The following CNBD1 variants were observed in gnomAD, a reference collection of about 807,000 sequenced individuals.
The protein encoded by CNBD1 is cyclic nucleotide-binding domain-containing protein 1.
CNBD1 carries 71 observed loss-of-function variants against 54.4 expected under a neutral mutation model. That is an observed-to-expected ratio of 1.30 (90% CI 1.08 to 1.59). CNBD1 has a LOEUF of 1.59. Among genes scored for constraint, CNBD1 ranks in the 40% most tolerant of loss-of-function variants. The pLI is 0.00. For missense variants in CNBD1, 659 were observed against 518.0 expected, an observed-to-expected ratio of 1.27 and a Z score of -2.64; for synonymous variants, 182 against 170.7, an observed-to-expected ratio of 1.07 and a Z score of -0.51.
chr8:87,356,992 A>G (rs899742503), intron 10 of CNBD1, among the ~76,000 whole-genome samples: 5 of 152,302 alleles, frequency 3.3e-5, no homozygotes, highest in Middle Eastern at 3.4e-3. Flanking sequence ...ACAGCCCCAG[A>G]TACAGCATGG....
At chr8:87,230,306 G>A (rs970883372) in intron 5 of CNBD1, among the ~76,000 whole-genome samples, 4 of 152,112 alleles carry the variant, frequency 2.6e-5, no homozygotes, top group Admixed American at 2.0e-4. Flanking sequence ...TTTGGGCAGC[G>A]ACACAGATCC....
chr8:87,389,453 A>T (rs1229507985), intron 2 of CNBD1, among the ~76,000 whole-genome samples: 2 of 152,200 alleles, frequency 1.3e-5, no homozygotes, highest in Admixed American at 6.5e-5. Context: ...CTTATACACC[A>T]ATAACAGACA....
intron 4 of CNBD1, among the ~76,000 whole-genome samples, chr8:87,050,033 G>A (rs1453804182): frequency 6.6e-6 from 1 of 152,106 alleles, no homozygotes; most frequent in African/African-American, 2.4e-5. Context: ...GAAGACTAAG[G>A]GCCAGTGCTT....
intron 2 of CNBD1, among the ~76,000 whole-genome samples, chr8:87,395,795 C>T (rs1273882726): frequency 2.6e-5 from 4 of 151,842 alleles, no homozygotes; most frequent in Non-Finnish European, 5.9e-5. Context: ...TGGGAGGGAC[C>T]TGGTGAGAGA....
At chr8:87,106,983 C>G (rs148319734) in intron 4 of CNBD1, among the ~76,000 whole-genome samples, 1 of 151,986 alleles carries the variant, frequency 6.6e-6, no homozygotes, top group Non-Finnish European at 1.5e-5. Context: ...CACCCACCAC[C>G]GTGCCCGGCT....
rs182543324 is a variant in CNBD1, at chr8:87,160,630, C to G, written c.432-45363C>G. 5.8e-4 allele frequency among the ~76,000 whole-genome samples: 88 copies of G among 152,150 alleles called. 1 individual carries two copies. Among genetic ancestry groups the G allele is most frequent in the African/African-American group, 1.8e-3 (75 of 41,550 alleles). ...AAAGATAGTCTTTGAGGAAGACTTT[C>G]TCTAAGGAAATACCTTTAAAAGTCA... On this transcript the variant is annotated intron_variant, in intron 4 of 10. Transcript: ENST00000518476.
At chr8:87,218,342 A>G (rs1814256527) in intron 5 of CNBD1, among the ~76,000 whole-genome samples, 1 of 152,092 alleles carries the variant, frequency 6.6e-6, no homozygotes, top group African/African-American at 2.4e-5. Flanking sequence ...GGAACAAAAT[A>G]TTTATTGCTA....
At chr8:87,375,264 T>C (rs1810902710) in intron 10 of CNBD1, among the ~76,000 whole-genome samples, 1 of 151,904 alleles carries the variant, frequency 6.6e-6, no homozygotes, top group South Asian at 2.1e-4. Context: ...GATAGTTTAG[T>C]TACAAATTTC....
intron 3 of CNBD1, among the ~76,000 whole-genome samples, chr8:86,908,521 G>A (rs1809051599): frequency 6.6e-6 from 1 of 152,156 alleles, no homozygotes; most frequent in Admixed American, 6.5e-5. Context: ...CTACTTCAGA[G>A]TTATGCATTG....
intron 4 of CNBD1, among the ~76,000 whole-genome samples, chr8:87,184,915 A>G (rs1813442815): frequency 6.6e-6 from 1 of 151,952 alleles, no homozygotes; most frequent in Non-Finnish European, 1.5e-5. Context: ...AAGTTTTAAT[A>G]TGTTGCATTT....
At chr8:86,922,939 A>G (rs1432475832) in intron 3 of CNBD1, among the ~76,000 whole-genome samples, 4 of 152,168 alleles carry the variant, frequency 2.6e-5, no homozygotes, top group Non-Finnish European at 4.4e-5. Flanking sequence ...AGAAACTACA[A>G]TGTTGGGGAT....
chr8:87,312,448 G>A (rs972995383), intron 8 of CNBD1, among the ~76,000 whole-genome samples: 2 of 152,078 alleles, frequency 1.3e-5, no homozygotes, highest in African/African-American at 4.8e-5. Flanking sequence ...TTAATTCAAG[G>A]CTTCCCAAGC....
chr8:87,119,564 C>G (rs1047205620), intron 4 of CNBD1, among the ~76,000 whole-genome samples: 2 of 151,968 alleles, frequency 1.3e-5, no homozygotes, highest in Admixed American at 6.6e-5. Flanking sequence ...AAATTGCATG[C>G]CTTTTATTTT....
chr8:87,214,047 G>A (rs1381713044), intron 5 of CNBD1, among the ~76,000 whole-genome samples: 1 of 152,170 alleles, frequency 6.6e-6, no homozygotes, highest in Non-Finnish European at 1.5e-5. Context: ...CTCACATCCA[G>A]GTCACACTGA....
intron 4 of CNBD1, among the ~76,000 whole-genome samples, chr8:86,976,187 C>CT (rs71277906): frequency 0.028 from 2,374 of 83,338 alleles, 120 homozygotes; most frequent in African/African-American, 0.073. Flanking sequence ...GTGCATTGAC[C>CT]TTTTTTTTTT....
chr8:87,260,692 A>G (rs759119525), intron 6 of CNBD1, among the ~76,000 whole-genome samples: 1 of 152,068 alleles, frequency 6.6e-6, no homozygotes, highest in African/African-American at 2.4e-5. Context: ...CCAGCTCACC[A>G]TACCATAGCC....
intron 4 of CNBD1, among the ~76,000 whole-genome samples, chr8:87,014,172 A>G (rs1404356093): frequency 2.0e-5 from 3 of 152,048 alleles, no homozygotes; most frequent in Non-Finnish European, 1.5e-5. Flanking sequence ...GAGTAGTCAA[A>G]TGTTTTTTCA....
At chr8:87,054,068 A>C (rs1208889120) in intron 4 of CNBD1, among the ~76,000 whole-genome samples, 1 of 152,252 alleles carries the variant, frequency 6.6e-6, no homozygotes, top group African/African-American at 2.4e-5. Flanking sequence ...TAGTTTCTCC[A>C]TTCACAGATA....
chr8:87,036,397 A>G (rs1809945595), intron 4 of CNBD1, among the ~76,000 whole-genome samples: 2 of 152,064 alleles, frequency 1.3e-5, no homozygotes, highest in African/African-American at 4.8e-5. Flanking sequence ...GATCGAGACC[A>G]TCCTGGCTGA....
Sources: gnomAD v4.1 joint callset for allele counts (sites outside exome capture counted in the v4.1 genomes callset) on GRCh38, gnomAD v4.1.1 for gene constraint, MANE v1.5 for transcripts, NCBI Gene and HGNC (gene_info 2026-07-23, HGNC 2026-07-21) for gene names.